Variants in GLIS3 observed in about 807,000 individuals in gnomAD.
The protein encoded by GLIS3 is GLIS family zinc finger 3.
Under a neutral mutation model 78.6 loss-of-function variants are expected in GLIS3, and 53 were observed. The observed-to-expected ratio is 0.67, with a 90% CI of 0.54 to 0.85. GLIS3 has a LOEUF of 0.85. Ranked by LOEUF, GLIS3 falls within the 40% of genes least tolerant of loss-of-function variation. GLIS3 has a pLI of 0.00. For missense variants in GLIS3, 1,703 were observed against 1,231.1 expected (o/e 1.38, Z -5.74); for synonymous variants, 684 against 509.9 (o/e 1.34, Z -4.60).
chr9:4,325,806 G>C (rs745934457), intron 2 of GLIS3, among the ~76,000 whole-genome samples: 7 of 152,102 alleles, frequency 4.6e-5, no homozygotes, highest in Admixed American at 1.3e-4. Context: ...CAACCTAGAT[G>C]CCCATCAATG....
chr9:4,013,413 G>C (rs981722365), intron 4 of GLIS3, among the ~76,000 whole-genome samples: 2 of 152,066 alleles, frequency 1.3e-5, no homozygotes, highest in Non-Finnish European at 2.9e-5. Context: ...TAAGATTCAA[G>C]GTATACTTTC....
rs540140883 is a variant in GLIS3 at position 3,920,968 on chromosome 9, G to A, written c.1983+11392C>T. ...AGTGATGTCCTTAGAGATTTGAAAT[G>A]AGGAAAACTTCTCATTACAGTAATT... On this transcript the variant is annotated intron_variant, in intron 6 of 10. Coordinates refer to ENST00000381971, the MANE Select transcript of GLIS3 (RefSeq NM_001042413.2). 3.3e-4 allele frequency among the ~76,000 whole-genome samples: 50 copies of A among 152,216 alleles called. 1 individual carries two copies. In the South Asian group the frequency reaches 0.01, roughly 31 times the overall value.
intron 4 of GLIS3, among the ~76,000 whole-genome samples, chr9:4,307,488 T>G (rs1333328508): frequency 6.6e-6 from 1 of 152,016 alleles, no homozygotes; most frequent in East Asian, 1.9e-4. Flanking sequence ...CTCCTCTTAC[T>G]CTGTGAGGCT....
chr9:4,407,151 TAA>T, the GLIS3 span, among the ~76,000 whole-genome samples: 1 of 152,178 alleles, frequency 6.6e-6, no homozygotes, highest in South Asian at 2.1e-4. Flanking sequence ...CCATCTACAG[TAA>T]ACTCATTTTC....
rs568177332 is a variant in GLIS3 at position 4,321,340 on chromosome 9, T to A, written n.265-10812A>T. Among the ~76,000 whole-genome samples the A allele has an allele frequency of 1.8e-4, 22 of 120,518 alleles. 3 individuals are homozygous for A. Among genetic ancestry groups the A allele is most frequent in the African/African-American group, 3.0e-4 (7 of 23,718 alleles). The allele number at this position is 120,518 out of a possible 152,430, so 79.1% of individuals were successfully genotyped here. A position where few individuals can be genotyped will look rare whatever the true frequency, so the allele number is the denominator to read the frequency against. ...GGGAGGCTGAGGCAGGAGAATGGCG[T>A]GAACCCAGGAGGCGGAGCTTGCAGG... is the stretch of plus-strand genomic sequence containing the variant. On this transcript the variant is annotated intron_variant and non_coding_transcript_variant, in intron 2 of 4. Coordinates refer to the GLIS3 transcript ENST00000471664.
At chr9:4,451,447 G>T in the GLIS3 span, among the ~76,000 whole-genome samples, 1 of 152,138 alleles carries the variant, frequency 6.6e-6, no homozygotes, top group East Asian at 1.9e-4. Flanking sequence ...CAACAAGACA[G>T]AAGGTTAACA....
chr9:4,127,000 C>G (rs924737970), intron 2 of GLIS3, among the ~76,000 whole-genome samples: 1 of 152,044 alleles, frequency 6.6e-6, no homozygotes, highest in Non-Finnish European at 1.5e-5. Context: ...TTGTTTTCCC[C>G]AAAATTAAAT....
chr9:4,245,275 C>T (rs1358480302), intron 2 of GLIS3, among the ~76,000 whole-genome samples: 1 of 152,180 alleles, frequency 6.6e-6, no homozygotes, highest in South Asian at 2.1e-4. Flanking sequence ...AGAGAAGAGA[C>T]TGTTGTGGTC....
At chr9:3,924,262 G>T (rs757524443) in intron 6 of GLIS3, among the ~76,000 whole-genome samples, 6 of 152,200 alleles carry the variant, frequency 3.9e-5, no homozygotes, top group African/African-American at 9.7e-5. Context: ...CTGGTCTGTT[G>T]TCAGGCACAG....
chr9:4,265,880 A>G (rs1221583758), intron 2 of GLIS3, among the ~76,000 whole-genome samples: 3 of 151,026 alleles, frequency 2.0e-5, no homozygotes, highest in African/African-American at 7.3e-5. Context: ...ATGTTTTAGT[A>G]AAATGCACTC....
chr9:4,089,955 CA>C (rs1564031271), intron 4 of GLIS3, among the ~76,000 whole-genome samples: 3 of 152,308 alleles, frequency 2.0e-5, no homozygotes, highest in African/African-American at 7.2e-5. Flanking sequence ...TGGTGCCTCC[CA>C]CTGTGTGCCA....
intron 2 of GLIS3, among the ~76,000 whole-genome samples, chr9:4,212,512 A>G (rs964029042): frequency 6.6e-6 from 1 of 152,236 alleles, no homozygotes; most frequent in Non-Finnish European, 1.5e-5. Context: ...AGGCAAAACA[A>G]TACAGCAGTG....
chr9:4,328,335 A>G (rs998843851), intron 2 of GLIS3, among the ~76,000 whole-genome samples: 3 of 152,196 alleles, frequency 2.0e-5, no homozygotes, highest in African/African-American at 7.2e-5. Flanking sequence ...TTCCAGTTGA[A>G]CAAAACCAGA....
intron 2 of GLIS3, among the ~76,000 whole-genome samples, chr9:4,316,951 G>C (rs192336859): frequency 4.1e-4 from 48 of 116,498 alleles, no homozygotes; most frequent in African/African-American, 2.3e-3. Context: ...GGTAAAATTG[G>C]TTTTTTAATA....
intron 2 of GLIS3, among the ~76,000 whole-genome samples, chr9:4,268,661 A>C (rs1268832514): frequency 6.6e-6 from 1 of 152,210 alleles, no homozygotes; most frequent in Non-Finnish European, 1.5e-5. Context: ...ATCATTATTG[A>C]TTGACACCCA....
At chr9:4,288,751 A>AG (rs5896060) in intron 1 of GLIS3, among the ~76,000 whole-genome samples, 1 of 152,026 alleles carries the variant, frequency 6.6e-6, no homozygotes, top group African/African-American at 2.4e-5. Context: ...AAAAACAACA[A>AG]AAAGTATACT....
intron 1 of GLIS3, among the ~76,000 whole-genome samples, chr9:4,295,262 G>C (rs529384545): frequency 6.6e-6 from 1 of 151,956 alleles, no homozygotes; most frequent in African/African-American, 2.4e-5. Context: ...TGGAAGGAAC[G>C]CCTCTGAATT....
chr9:4,380,608 G>A, the GLIS3 span, among the ~76,000 whole-genome samples: 2 of 152,180 alleles, frequency 1.3e-5, no homozygotes, highest in African/African-American at 2.4e-5. Flanking sequence ...TGAGTCAATA[G>A]GACTGAAGTT....
At chr9:4,278,795 G>A (rs1306779089) in intron 2 of GLIS3, among the ~76,000 whole-genome samples, 1 of 152,220 alleles carries the variant, frequency 6.6e-6, no homozygotes, top group Non-Finnish European at 1.5e-5. Flanking sequence ...ACAATGCAGA[G>A]ATCTGGTAAC....
Sources: allele counts gnomAD v4.1 joint callset (sites outside exome capture counted in the v4.1 genomes callset), GRCh38; gene constraint gnomAD v4.1.1; transcripts MANE v1.5; gene names NCBI Gene and HGNC (gene_info 2026-07-23, HGNC 2026-07-21).